The following MCTP1 variants were observed in gnomAD, a reference collection of about 807,000 sequenced individuals.
MCTP1 encodes the protein multiple C2 and transmembrane domain-containing protein 1.
In MCTP1, 69 loss-of-function variants were observed where a neutral mutation model predicts 120.6. That is an observed-to-expected ratio of 0.57 (90% CI 0.47 to 0.70). The LOEUF is 0.70. Among genes scored for constraint, MCTP1 ranks in the 30% least tolerant of loss-of-function variants. The probability of loss-of-function intolerance (pLI) is 0.00; values close to 1 mark genes in which losing one functional copy is unlikely to be tolerated. For synonymous variants in MCTP1, 529 were observed against 493.1 expected (o/e 1.07, Z -0.96); for missense variants, 1,203 against 1,248.8 (o/e 0.96, Z 0.55).
intron 17 of MCTP1, among the ~76,000 whole-genome samples, chr5:94,849,765 T>A (rs1793263629): frequency 6.6e-6 from 1 of 152,130 alleles, no homozygotes; most frequent in Admixed American, 6.5e-5. Flanking sequence ...ATAAAGGTGC[T>A]TTTTGGTATG....
chr5:95,270,923 C>G (rs1412314907), intron 1 of MCTP1, among the ~76,000 whole-genome samples: 1 of 60,440 alleles, frequency 1.7e-5, no homozygotes, highest in Non-Finnish European at 3.2e-5. Context: ...GAGCAAGACT[C>G]TCTCTCTCAA....
intron 1 of MCTP1, among the ~76,000 whole-genome samples, chr5:95,193,129 T>C (rs1750005955): frequency 1.3e-5 from 2 of 152,122 alleles, no homozygotes; most frequent in Admixed American, 1.3e-4. Flanking sequence ...AAAACTAATT[T>C]TGGAGCATGA....
intron 17 of MCTP1, among the ~76,000 whole-genome samples, chr5:94,858,456 C>A (rs1341542988): frequency 6.6e-6 from 1 of 151,594 alleles, no homozygotes. Flanking sequence ...TATATCAAGT[C>A]GGCAATTCTA....
At chr5:94,998,849 A>C (rs1370908533) in intron 2 of MCTP1, among the ~76,000 whole-genome samples, 1 of 152,166 alleles carries the variant, frequency 6.6e-6, no homozygotes, top group Non-Finnish European at 1.5e-5. Context: ...TTCTCCATAA[A>C]TATTCGTAGA....
chr5:95,257,792 A>AACATACACACATACACACACAC (rs1245689158), intron 1 of MCTP1, among the ~76,000 whole-genome samples: 6 of 143,882 alleles, frequency 4.2e-5, no homozygotes, highest in Middle Eastern at 3.5e-3. Flanking sequence ...TGCTCCAGAA[A>AACATACACACATACACACACAC]ACATACACAC....
At chr5:94,780,434 C>A (rs1431495580) in intron 18 of MCTP1, among the ~76,000 whole-genome samples, 2 of 152,070 alleles carry the variant, frequency 1.3e-5, no homozygotes, top group Non-Finnish European at 2.9e-5. Context: ...AAAAGCATAA[C>A]CCAAACACAA....
chr5:94,833,898 C>G (rs1273451361), intron 17 of MCTP1, among the ~76,000 whole-genome samples: 3 of 152,122 alleles, frequency 2.0e-5, no homozygotes, highest in African/African-American at 4.8e-5. Context: ...AAAGAGAGAA[C>G]TAGCCTAAAT....
At chr5:94,850,296 A>T (rs1311549830) in intron 17 of MCTP1, among the ~76,000 whole-genome samples, 1 of 152,182 alleles carries the variant, frequency 6.6e-6, no homozygotes, top group Non-Finnish European at 1.5e-5. Flanking sequence ...TTAAGGCCCA[A>T]AAACTGCATA....
intron 2 of MCTP1, among the ~76,000 whole-genome samples, chr5:94,972,647 T>A (rs1028159078): frequency 6.6e-6 from 1 of 152,176 alleles, no homozygotes; most frequent in Non-Finnish European, 1.5e-5. Context: ...AATATAATTT[T>A]AAAAATTATC....
intron 2 of MCTP1, among the ~76,000 whole-genome samples, chr5:95,002,322 G>A (rs573387623): frequency 6.6e-6 from 1 of 152,296 alleles, no homozygotes; most frequent in African/African-American, 2.4e-5. Flanking sequence ...GGAGCTATGA[G>A]AAGAGGGTCA....
intron 13 of MCTP1, among the ~76,000 whole-genome samples, chr5:94,872,769 T>C (rs1245877984): frequency 1.3e-5 from 2 of 152,118 alleles, no homozygotes; most frequent in Admixed American, 1.3e-4. Flanking sequence ...TTTGCTGATT[T>C]CAGCAATGGA....
chr5:94,723,331 A>G (rs1761336226), intron 19 of MCTP1, among the ~76,000 whole-genome samples: 1 of 152,240 alleles, frequency 6.6e-6, no homozygotes, highest in African/African-American at 2.4e-5. Context: ...TTAACAAGAT[A>G]GTATATTTTT....
chr5:95,187,271 TA>T (rs1749309584), intron 1 of MCTP1, among the ~76,000 whole-genome samples: 1 of 152,166 alleles, frequency 6.6e-6, no homozygotes, highest in Admixed American at 6.5e-5. Context: ...TATTCAGCCA[TA>T]AAAAGAATGA....
At chr5:94,850,135 G>A (rs6893966) in intron 17 of MCTP1, among the ~76,000 whole-genome samples, 3 of 152,042 alleles carry the variant, frequency 2.0e-5, no homozygotes, top group Non-Finnish European at 2.9e-5. Flanking sequence ...AAATAAATCC[G>A]AATGGCTGTA....
At chr5:94,873,372 T>TA in intron 12 of MCTP1, 131 bp from the exon 13 acceptor site, 2 of 513,536 alleles carry the variant, frequency 3.9e-6, no homozygotes, top group South Asian at 7.1e-5. Context: ...TTTTAAAAAT[T>TA]AAAAAAAGAA....
chr5:95,106,522 T>C (rs996590335), intron 1 of MCTP1, among the ~76,000 whole-genome samples: 1 of 152,230 alleles, frequency 6.6e-6, no homozygotes, highest in Non-Finnish European at 1.5e-5. Context: ...TCTCAGATAC[T>C]TGAGTCAACA....
At chr5:95,133,539 C>G (rs1759209118) in intron 1 of MCTP1, among the ~76,000 whole-genome samples, 1 of 152,194 alleles carries the variant, frequency 6.6e-6, no homozygotes, top group Non-Finnish European at 1.5e-5. Flanking sequence ...CCTGTAGTCC[C>G]AGCTACTTGG....
At chr5:95,278,461 T>C (rs1033417577) in intron 1 of MCTP1, among the ~76,000 whole-genome samples, 1 of 152,120 alleles carries the variant, frequency 6.6e-6, no homozygotes, top group Non-Finnish European at 1.5e-5. Context: ...AACATGCACG[T>C]TTATATAAAG....
intron 1 of MCTP1, among the ~76,000 whole-genome samples, chr5:95,044,548 T>C (rs1842854286): frequency 6.6e-6 from 1 of 152,174 alleles, no homozygotes; most frequent in Non-Finnish European, 1.5e-5. Flanking sequence ...CTCTGCTTAC[T>C]TGACCTTTCT....
Sources: gnomAD v4.1 joint callset for allele counts (sites outside exome capture counted in the v4.1 genomes callset) on GRCh38, gnomAD v4.1.1 for gene constraint, MANE v1.5 for transcripts, NCBI Gene and HGNC (gene_info 2026-07-23, HGNC 2026-07-21) for gene names.